Variants in THRB observed in about 807,000 individuals in gnomAD.
THRB encodes thyroid hormone receptor beta, also known as nuclear receptor subfamily 1 group A member 2.
A neutral mutation model predicts 47.8 loss-of-function variants in THRB; 12 were observed. That is an observed-to-expected ratio of 0.25 (90% CI 0.16 to 0.41). The LOEUF (loss-of-function observed/expected upper bound fraction) is 0.41. Among genes scored for constraint, THRB ranks in the 10% least tolerant of loss-of-function variants. The probability of loss-of-function intolerance (pLI) is 1.00; values close to 1 mark genes in which losing one functional copy is unlikely to be tolerated. For missense variants in THRB, 348 were observed against 589.2 expected (o/e 0.59, Z 4.24); for synonymous variants, 218 against 212.2 (o/e 1.03, Z -0.24).
chr3:24,263,619 T>C (rs2052322832), intron 3 of THRB, among the ~76,000 whole-genome samples: 1 of 129,238 alleles, frequency 7.7e-6, no homozygotes, highest in Non-Finnish European at 1.6e-5. Flanking sequence ...GTTACAGGCC[T>C]TTTTTTTTTT....
At chr3:24,351,727 C>T (rs2063367571) in intron 1 of THRB, among the ~76,000 whole-genome samples, 1 of 152,162 alleles carries the variant, frequency 6.6e-6, no homozygotes, top group African/African-American at 2.4e-5. Context: ...TCCCAAGGCA[C>T]CCAAGGTGCT....
chr3:24,226,272 C>T (rs1464778708), intron 4 of THRB, among the ~76,000 whole-genome samples: 2 of 152,148 alleles, frequency 1.3e-5, no homozygotes, highest in Non-Finnish European at 2.9e-5. Context: ...CTAGAGCAAG[C>T]ACTTAGTTCT....
At chr3:24,260,045 G>A (rs9873977) in intron 3 of THRB, among the ~76,000 whole-genome samples, 10,208 of 152,150 alleles carry the variant, frequency 0.067, 791 homozygotes, top group African/African-American at 0.19. Context: ...CCTTTCAGCT[G>A]TCACTCCCTT....
chr3:24,213,312 G>A (rs2046248888), intron 4 of THRB, among the ~76,000 whole-genome samples: 2 of 152,160 alleles, frequency 1.3e-5, no homozygotes, highest in Admixed American at 1.3e-4. Context: ...TTCTTGAGAA[G>A]GGATGGGGCT....
intron 8 of THRB, among the ~76,000 whole-genome samples, chr3:24,140,007 G>T (rs1322654543): frequency 3.3e-5 from 5 of 152,180 alleles, no homozygotes; most frequent in Non-Finnish European, 5.9e-5. Context: ...GTGCAAAAAA[G>T]CCTGTTTGGT....
chr3:24,371,615 A>G (rs1327198851), intron 1 of THRB, among the ~76,000 whole-genome samples: 2 of 152,020 alleles, frequency 1.3e-5, no homozygotes, highest in Admixed American at 1.3e-4. Context: ...AATGTCAAAG[A>G]CTGTCTAGCT....
chr3:24,160,113 T>C (rs1575494483), intron 5 of THRB, among the ~76,000 whole-genome samples: 2 of 152,188 alleles, frequency 1.3e-5, no homozygotes, highest in Middle Eastern at 6.8e-3. Flanking sequence ...AGTGGCAAGG[T>C]GGCCCACCAG....
chr3:24,139,700 G>C (rs1052184997), intron 8 of THRB, among the ~76,000 whole-genome samples: 1 of 152,122 alleles, frequency 6.6e-6, no homozygotes, highest in Non-Finnish European at 1.5e-5. Context: ...CTCTATTTCT[G>C]ACTTGAGTGC....
In THRB at chr3:24,389,794, T is replaced by C. The variant is rs550029000; in HGVS notation, c.-260-52423A>G. Among the ~76,000 whole-genome samples the C allele has an allele frequency of 9.2e-5, 14 of 152,220 alleles. No individual in the cohort carries two copies. The South Asian group carries it at 2.1e-3, about 23-fold the overall frequency. ...ACAGAGGATTAAAGGCTTTTGGCAG[T>C]GCTTATAAAAATAGCTTCAGCAATA... On this transcript the variant is annotated intron_variant, in intron 1 of 10. Transcript: ENST00000646209.
At chr3:24,321,761 C>T (rs921497533) in intron 2 of THRB, among the ~76,000 whole-genome samples, 2 of 152,100 alleles carry the variant, frequency 1.3e-5, no homozygotes, top group Admixed American at 6.6e-5. Context: ...CCACTAGTCA[C>T]TAACCACACA....
chr3:24,133,267 G>A lies in THRB; in HGVS notation c.885+49C>T, dbSNP rs970793490. The A allele has an allele frequency of 5.0e-6, 8 of 1,600,336 alleles. No homozygotes were observed. The African/African-American group carries it at 9.4e-5, about 19-fold the overall frequency. ...ATAATACCCAGTATTCCTGGAAACT[G>A]ATGAAACTATAATTAAGAATAATGC... On this transcript the variant is annotated intron_variant, in intron 9 of 10. Coordinates refer to ENST00000646209, the MANE Select transcript of THRB (RefSeq NM_001354712.2).
chr3:24,402,816 T>A (rs1039609170), intron 1 of THRB, among the ~76,000 whole-genome samples: 1 of 151,982 alleles, frequency 6.6e-6, no homozygotes, highest in African/African-American at 2.4e-5. Flanking sequence ...CGCCTTTTTA[T>A]GAAGTATTTG....
At chr3:24,317,450 G>A (rs1396302774) in intron 2 of THRB, among the ~76,000 whole-genome samples, 7 of 152,092 alleles carry the variant, frequency 4.6e-5, no homozygotes, top group East Asian at 1.9e-4. Flanking sequence ...TGATTTCAAC[G>A]AGCAGATCTT....
chr3:24,210,748 G>C (rs2045939081), intron 4 of THRB, among the ~76,000 whole-genome samples: 1 of 152,198 alleles, frequency 6.6e-6, no homozygotes, highest in African/African-American at 2.4e-5. Context: ...CGGAGGGAAT[G>C]TCTGGTTGAC....
At chr3:24,435,452 C>T (rs13074055) in intron 1 of THRB, among the ~76,000 whole-genome samples, 28,147 of 151,990 alleles carry the variant, frequency 0.19, 2,730 homozygotes, top group Middle Eastern at 0.23. Context: ...CAATATGGTC[C>T]GGTAGGTAAA....
chr3:24,462,327 C>T (rs910781136), intron 1 of THRB, among the ~76,000 whole-genome samples: 6 of 152,212 alleles, frequency 3.9e-5, no homozygotes, highest in Non-Finnish European at 2.9e-5. Context: ...GAAGGTTTGA[C>T]TAAATGATCT....
chr3:24,159,320 G>A (rs9870693), intron 5 of THRB, among the ~76,000 whole-genome samples: 48,436 of 152,136 alleles, frequency 0.32, 8,021 homozygotes, highest in South Asian at 0.38. Context: ...TCACATGGAT[G>A]TGCGCTTTAG....
chr3:24,205,554 T>C (rs1345650477), intron 4 of THRB, among the ~76,000 whole-genome samples: 1 of 152,184 alleles, frequency 6.6e-6, no homozygotes, highest in Non-Finnish European at 1.5e-5. Flanking sequence ...ACATGCCAAA[T>C]TGTAAAGACC....
Position 24,128,200 on chromosome 3 carries a change from G to T in THRB, c.886-443C>A, listed in dbSNP as rs73825920. ...ACCCTACTGTTTAGCTGGCAACTGG[G>T]CTTCCTTTTGGTTTTTGAAGCACGT... On this transcript the variant is annotated intron_variant, in intron 9 of 10. Transcript: ENST00000646209. Among the ~76,000 whole-genome samples the T allele has an allele frequency of 9.3e-3, 1,419 of 152,302 alleles. 18 individuals are homozygous for T. The highest frequency in any genetic ancestry group is 0.032 in the African/African-American group (1,322 of 41,572).
Sources: allele counts gnomAD v4.1 joint callset (sites outside exome capture counted in the v4.1 genomes callset), GRCh38; gene constraint gnomAD v4.1.1; transcripts MANE v1.5; gene names NCBI Gene and HGNC (gene_info 2026-07-23, HGNC 2026-07-21).